Variants in CFAP46 observed in about 807,000 individuals in gnomAD.
CFAP46 encodes the protein cilia and flagella associated protein 46.
A neutral mutation model predicts 325.7 loss-of-function variants in CFAP46; 245 were observed. The observed-to-expected ratio is 0.75, with a 90% CI of 0.68 to 0.84. The LOEUF is 0.84. CFAP46 is among the 40% of genes least tolerant of loss of function. CFAP46 has a pLI of 0.00. For synonymous variants in CFAP46, 1,523 were observed against 1,495.9 expected (o/e 1.02, Z -0.42); for missense variants, 3,346 against 3,543.0 (o/e 0.94, Z 1.41).
chr10:132,856,514 T>C (rs966623438), intron 39 of CFAP46, among the ~76,000 whole-genome samples: 7 of 152,200 alleles, frequency 4.6e-5, no homozygotes, highest in African/African-American at 1.7e-4. Context: ...TCTTTTTAAT[T>C]TCATTTTCTC....
Position 132,808,802 on chromosome 10 carries a change from G to T in CFAP46, c.7767C>A (p.Ser2589Arg). Residue 2589 changes from serine to arginine, a missense_variant, in exon 58 of 58, where the codon AGC (serine) becomes AGA (arginine). Physicochemically the swap from Ser to Arg is moderately radical, Grantham distance 110. Transcript: ENST00000368586. The surrounding 1 kb of genome is among the most constrained non-coding windows in gnomAD (Gnocchi z 6.8). ...AGGTCCAGGCCTGCACTACCCGATGGCTTGGTGCGGCAGCCCATACAGGAC... is the reference window on the plus strand; with the variant it reads ...AGGTCCAGGCCTGCACTACCCGATGTCTTGGTGCGGCAGCCCATACAGGAC... ...QLGPVWAAAP[S>R]HRVVQAWTCL... 1 of 1,606,800 alleles carries T rather than the reference G, an allele frequency of 6.2e-7. No homozygotes were observed. Among genetic ancestry groups the T allele is most frequent in the Non-Finnish European group, 8.5e-7 (1 of 1,177,016 alleles).
At chr10:132,821,576 ATGTGTGCTGTG>A (rs1374849885) in intron 50 of CFAP46, among the ~76,000 whole-genome samples, 2 of 84,652 alleles carry the variant, frequency 2.4e-5, no homozygotes, top group Non-Finnish European at 4.2e-5. Flanking sequence ...GTGTGCGCTG[ATGTGTGCTGTG>A]TGTGTGCTGT....
At chr10:132,833,758 G>A (rs1220321438) in intron 49 of CFAP46, among the ~76,000 whole-genome samples, 4 of 152,212 alleles carry the variant, frequency 2.6e-5, no homozygotes, top group African/African-American at 9.7e-5. Context: ...GGTGTGGCGG[G>A]GCTGACAATC....
At chr10:132,853,490 G>A (rs1335893758) in intron 39 of CFAP46, among the ~76,000 whole-genome samples, 3 of 152,142 alleles carry the variant, frequency 2.0e-5, no homozygotes, top group Non-Finnish European at 2.9e-5. Context: ...TGTTGTTAAT[G>A]TTTTTATCTT....
At chr10:132,940,932 A>G in intron 4 of CFAP46, 64 bp downstream of exon 4, 1 of 1,508,320 alleles carries the variant, frequency 6.6e-7, no homozygotes, top group Admixed American at 1.7e-5. Flanking sequence ...CACCCACTTG[A>G]TAAGTTCTGG....
In CFAP46 at chr10:132,919,447, T is replaced by G. The variant is rs900727931; in HGVS notation, c.1731-5A>C. On this transcript the variant is annotated splice_region_variant and splice_polypyrimidine_tract_variant and intron_variant, in intron 14 of 57. Transcript: ENST00000368586. This position sits in a 1 kb window ranked among gnomAD's most constrained non-coding sequence, Gnocchi z 9.7. ...AGCTCTGCCCAAATCTGTATCCTGC[T>G]CACCGAGAACCCAAACGAGTGAAAG... 2 of 1,545,030 alleles carry G rather than the reference T, an allele frequency of 1.3e-6. No individual in the cohort carries two copies. The highest frequency in any genetic ancestry group is 2.8e-5 in the African/African-American group (2 of 72,700).
chr10:132,913,178 G>C lies in CFAP46; in HGVS notation c.2201C>G (p.Ala734Gly), dbSNP rs755553982. 7 of 1,550,462 alleles carry C rather than the reference G, an allele frequency of 4.5e-6. No homozygotes were observed. ...SAEIGQEIQE[A>G]WIVQNAVVYV... The stretch of plus-strand genomic sequence containing the variant: ...GACCACGGCGTTCTGCACAATCCAC[G>C]CCTCCTGGATCTCCTGTCCGATCTC... Residue 734 changes from alanine (A) to glycine (G), a missense_variant, in exon 18 of 58, where the codon GCG (alanine) becomes GGG (glycine). Transcript: ENST00000368586.
intron 23 of CFAP46, 128 bp downstream of exon 23, chr10:132,899,407 G>A (rs1185189880): frequency 1.9e-5 from 25 of 1,332,626 alleles, no homozygotes; most frequent in Middle Eastern, 2.7e-4. Context: ...TGGCCGCACC[G>A]GCCACCTCCC....
At chr10:132,941,808 A>G in intron 2 of CFAP46, 86 bp from the exon 3 acceptor site, 1 of 1,582,360 alleles carries the variant, frequency 6.3e-7, no homozygotes, top group East Asian at 2.2e-5. Context: ...CTTTCAGAAC[A>G]GGCCCCCAGC....
intron 25 of CFAP46, among the ~76,000 whole-genome samples, chr10:132,888,435 GTACCCCTGCCACCTT>G (rs1778029133): frequency 1.3e-4 from 5 of 38,286 alleles, no homozygotes; most frequent in African/African-American, 4.3e-4. Context: ...CCTGCCGCCT[GTACCCCTGCCACCTT>G]CACCCCTGCC....
At chr10:132,855,737 A>G (rs1848632530) in intron 39 of CFAP46, among the ~76,000 whole-genome samples, 1 of 152,200 alleles carries the variant, frequency 6.6e-6, no homozygotes, top group African/African-American at 2.4e-5. Flanking sequence ...ATATCACTTC[A>G]CGCAGAGCAT....
In CFAP46 at chr10:132,858,277, G is replaced by A. The variant is rs532851386; in HGVS notation, c.5376-489C>T. 2.0e-5 allele frequency among the ~76,000 whole-genome samples: 3 copies of A among 150,254 alleles called. No individual in the cohort carries two copies. The East Asian group carries it at 5.8e-4, about 29-fold the overall frequency. ...GGGCAGGGCCAGGGAGGCTTTGCTG[G>A]GGGCGGCCCCAGGTTGGGGGCAGGG... On this transcript the variant is annotated intron_variant, in intron 38 of 57. Transcript: ENST00000368586.
chr10:132,938,733 T>C lies in CFAP46; in HGVS notation c.392A>G (p.Asn131Ser). ...GEPRYYFLVY[N>S]ASVLYWQMVR... ...CATCTGCCAGTAGAGGACTGATGCA[T>C]TGTACACCAAAAAGTAGTACCTGCG... The change falls in exon 5 of 58, where the codon AAT becomes AGT. Residue 131 changes from asparagine to serine, a missense_variant. Coordinates refer to ENST00000368586, the MANE Select transcript of CFAP46 (RefSeq NM_001200049.3). 3 of 1,613,246 alleles carry C rather than the reference T, an allele frequency of 1.9e-6. No individual in the cohort carries two copies. The highest frequency in any genetic ancestry group is 2.5e-6 in the Non-Finnish European group (3 of 1,179,884).
chr10:132,899,264 T>A, intron 23 of CFAP46, 143 bp from the exon 24 acceptor site: 1 of 1,032,418 alleles, frequency 9.7e-7, no homozygotes, highest in Non-Finnish European at 1.4e-6. Context: ...CAGGAGTCCC[T>A]GCTGCATCCT....
intron 35 of CFAP46, among the ~76,000 whole-genome samples, chr10:132,863,650 A>G (rs549613118): frequency 4.6e-4 from 69 of 151,186 alleles, no homozygotes; most frequent in Non-Finnish European, 9.1e-4. Flanking sequence ...CCTCTTCCTG[A>G]GACGTGCACA....
Position 132,817,108 on chromosome 10 carries a change from C to G in CFAP46, c.7118-2194G>C, listed in dbSNP as rs1238223978. ...GTAATCCAGGCGTGGTAAAATCTCC[C>G]AGCGTTGGGGCTGGCCAACGGCTGC... On this transcript the variant is annotated intron_variant, in intron 50 of 57. Coordinates refer to ENST00000368586, the MANE Select transcript of CFAP46 (RefSeq NM_001200049.3). The surrounding 1 kb of genome is among the most constrained non-coding windows in gnomAD (Gnocchi z 4.4). Among the ~76,000 whole-genome samples, 1 of 152,204 alleles carries G rather than the reference C, an allele frequency of 6.6e-6. No individual in the cohort carries two copies. The highest frequency in any genetic ancestry group is 1.5e-5 in the Non-Finnish European group (1 of 68,052).
chr10:132,888,353 CTG>C, intron 25 of CFAP46, among the ~76,000 whole-genome samples: 1 of 96,222 alleles, frequency 1.0e-5, no homozygotes, highest in Non-Finnish European at 2.1e-5. Context: ...ACCTTCACCC[CTG>C]CCGCCTGCAC....
chr10:132,881,090 C>T (rs536725425), intron 27 of CFAP46, 58 bp from the exon 28 acceptor site: 75 of 1,438,876 alleles, frequency 5.2e-5, no homozygotes, highest in Middle Eastern at 3.6e-4. Flanking sequence ...GCGTTCCTGA[C>T]GCAGTGGAAT....
intron 50 of CFAP46, among the ~76,000 whole-genome samples, chr10:132,823,049 G>GA: frequency 6.9e-6 from 1 of 145,632 alleles, no homozygotes; most frequent in Admixed American, 6.8e-5. Flanking sequence ...GATGTGTGCT[G>GA]TGTGCTGTGA....
Sources: allele counts gnomAD v4.1 joint callset (sites outside exome capture counted in the v4.1 genomes callset), GRCh38; gene constraint gnomAD v4.1.1; non-coding constraint Gnocchi (gnomAD v3.1); transcripts MANE v1.5; gene names NCBI Gene and HGNC (gene_info 2026-07-23, HGNC 2026-07-21).